The following PANK1 variants were observed in gnomAD, a reference collection of about 807,000 sequenced individuals.
PANK1 encodes the protein pantothenate kinase 1, also known as pantothenic acid kinase 1.
In PANK1, 18 loss-of-function variants were observed where a neutral mutation model predicts 40.1. That is an observed-to-expected ratio of 0.45 (90% CI 0.31 to 0.67). PANK1 has a LOEUF of 0.67. PANK1 is among the 30% of genes least tolerant of loss of function. The pLI, the probability that PANK1 is intolerant of heterozygous loss-of-function variation, is 0.06. For synonymous variants in PANK1, 242 were observed against 237.7 expected (o/e 1.02, Z -0.17); for missense variants, 457 against 599.6 (o/e 0.76, Z 2.48).
intron 1 of PANK1, among the ~76,000 whole-genome samples, chr10:89,618,650 T>C (rs1461944605): frequency 6.6e-6 from 1 of 152,232 alleles, no homozygotes; most frequent in Non-Finnish European, 1.5e-5. Flanking sequence ...CTCTTGGCCA[T>C]TTTATACTTG....
chr10:89,636,888 GTC>G (rs1841834486), intron 1 of PANK1, among the ~76,000 whole-genome samples: 1 of 149,652 alleles, frequency 6.7e-6, no homozygotes, highest in African/African-American at 2.5e-5. Context: ...TTGAGACAGA[GTC>G]TCTCCCTGTC....
At chr10:89,605,688 C>T (rs748895710) in intron 2 of PANK1, among the ~76,000 whole-genome samples, 9 of 152,180 alleles carry the variant, frequency 5.9e-5, no homozygotes, top group Non-Finnish European at 1.0e-4. Flanking sequence ...TTCCAAACTC[C>T]TCCTAAAGCT....
At chr10:89,617,335 T>G (rs560860358) in intron 1 of PANK1, among the ~76,000 whole-genome samples, 41 of 152,230 alleles carry the variant, frequency 2.7e-4, no homozygotes, top group Non-Finnish European at 5.3e-4. Flanking sequence ...AAAATGATCA[T>G]GTATGATAAC....
At chr10:89,639,181 G>A in intron 1 of PANK1, 1 of 453,452 alleles carries the variant, frequency 2.2e-6, no homozygotes, top group Non-Finnish European at 4.4e-6. Flanking sequence ...AAGATCGAGG[G>A]ACTGCATCTG....
intron 1 of PANK1, among the ~76,000 whole-genome samples, chr10:89,618,994 A>G (rs1173889978): frequency 6.6e-6 from 1 of 152,210 alleles, no homozygotes; most frequent in East Asian, 1.9e-4. Flanking sequence ...CTAAATCAAA[A>G]TCCTTCGCGG....
At chr10:89,637,042 T>C (rs1310738729) in intron 1 of PANK1, among the ~76,000 whole-genome samples, 1 of 151,186 alleles carries the variant, frequency 6.6e-6, no homozygotes, top group African/African-American at 2.4e-5. Context: ...GTATTTTTAG[T>C]AGAGACGGGG....
At chr10:89,611,395 AT>A (rs1430851328) in intron 2 of PANK1, among the ~76,000 whole-genome samples, 1 of 152,196 alleles carries the variant, frequency 6.6e-6, no homozygotes, top group African/African-American at 2.4e-5. Flanking sequence ...TTCAGAAGGG[AT>A]TTTAGCATCT....
chr10:89,599,388 T>C lies in PANK1; in HGVS notation c.763A>G (p.Thr255Ala), dbSNP rs773726218. ...TTTTTTTGACACAATTCAGGATTTG[T>C]GGGATTTTCAAAATAGTAACATTCT... ...KPECYYFENP[T>A]NPELCQKKPY... Residue 255 changes from threonine (T) to alanine (A), a missense_variant, in exon 3 of 7, where the codon ACA (threonine) becomes GCA (alanine). Thr to Ala is a moderately conservative substitution (Grantham distance 58). Coordinates refer to ENST00000307534, the MANE Select transcript of PANK1 (RefSeq NM_148977.3). The C allele has an allele frequency of 1.2e-6, 2 of 1,613,920 alleles. No individual in the cohort carries two copies. Among genetic ancestry groups the C allele is most frequent in the African/African-American group, 2.7e-5 (2 of 74,874 alleles).
intron 1 of PANK1, among the ~76,000 whole-genome samples, chr10:89,630,119 T>C (rs1040707936): frequency 2.6e-5 from 4 of 152,216 alleles, no homozygotes; most frequent in Admixed American, 1.3e-4. Flanking sequence ...TAAAATTTAA[T>C]TGAGTGTGGT....
At chr10:89,614,955 G>A (rs1845273536) in intron 1 of PANK1, among the ~76,000 whole-genome samples, 1 of 151,926 alleles carries the variant, frequency 6.6e-6, no homozygotes, top group Middle Eastern at 3.2e-3. Context: ...AGGAAGGAAG[G>A]GAGAAGAGAA....
intron 1 of PANK1, among the ~76,000 whole-genome samples, chr10:89,621,434 A>G (rs902276009): frequency 1.3e-5 from 2 of 152,222 alleles, no homozygotes; most frequent in Non-Finnish European, 2.9e-5. Context: ...AAATTATTTG[A>G]TAATATATTC....
At chr10:89,640,791 A>C (rs948306836) in intron 1 of PANK1, among the ~76,000 whole-genome samples, 5 of 152,254 alleles carry the variant, frequency 3.3e-5, no homozygotes, top group Non-Finnish European at 5.9e-5. Flanking sequence ...CAAAACCATG[A>C]AAGGTTTTTA....
chr10:89,626,512 G>A (rs1323812334), intron 1 of PANK1: 1 of 152,312 alleles, frequency 6.6e-6, no homozygotes, highest in Non-Finnish European at 1.5e-5. Flanking sequence ...CACCGTGTTA[G>A]CCAGGATGGT....
At chr10:89,624,272 A>G (rs1372209536) in intron 1 of PANK1, among the ~76,000 whole-genome samples, 5 of 152,234 alleles carry the variant, frequency 3.3e-5, no homozygotes, top group Non-Finnish European at 7.3e-5. Flanking sequence ...GACCTGCCAT[A>G]CTTTTAGGCA....
At chr10:89,620,600 G>A (rs1845451932) in intron 1 of PANK1, among the ~76,000 whole-genome samples, 1 of 152,200 alleles carries the variant, frequency 6.6e-6, no homozygotes, top group Admixed American at 6.5e-5. Context: ...GCAGGACATG[G>A]AACCTCATCA....
intron 1 of PANK1, among the ~76,000 whole-genome samples, chr10:89,619,043 T>C (rs1435837140): frequency 6.6e-6 from 1 of 152,234 alleles, no homozygotes; most frequent in Non-Finnish European, 1.5e-5. Context: ...AGCAGAACTA[T>C]ATATAGGAAC....
At chr10:89,643,817 T>C in intron 1 of PANK1, 1 of 1,596,518 alleles carries the variant, frequency 6.3e-7, no homozygotes, top group African/African-American at 1.3e-5. Flanking sequence ...TCCCACAGCG[T>C]CCTGTGGGGA....
In PANK1 at chr10:89,644,807, C is replaced by T. The variant is rs1385325010; in HGVS notation, c.85G>A (p.Gly29Arg). The change falls in exon 1 of 7, where the codon GGG becomes AGG. Residue 29 changes from glycine to arginine, a missense_variant. Coordinates refer to ENST00000307534, the MANE Select transcript of PANK1 (RefSeq NM_148977.3). ...PVGTSAAAVN[G>R]LLHNGFHPPP... ...GGATGGAAGCCGTTGTGCAGCAGCC[C>T]GTTCACAGCGGCGGCGCTGGTGCCC... 9.6e-6 allele frequency: 14 copies of T among 1,461,682 alleles called. No individual in the cohort carries two copies. The highest frequency in any genetic ancestry group is 3.0e-5 in the African/African-American group (2 of 67,140). 90.5% of individuals were successfully genotyped at this position (1,461,682 alleles called of 1,614,324 possible). A position where few individuals can be genotyped will look rare whatever the true frequency, so the allele number is the denominator to read the frequency against.
At chr10:89,598,624 A>G (rs1248550843) in intron 3 of PANK1, among the ~76,000 whole-genome samples, 1 of 152,168 alleles carries the variant, frequency 6.6e-6, no homozygotes, top group Non-Finnish European at 1.5e-5. Flanking sequence ...ATACCCGTTA[A>G]CAGGAAGCTG....
Sources: allele counts gnomAD v4.1 joint callset (sites outside exome capture counted in the v4.1 genomes callset), GRCh38; gene constraint gnomAD v4.1.1; transcripts MANE v1.5; gene names NCBI Gene and HGNC (gene_info 2026-07-23, HGNC 2026-07-21).